The following DENND5B variants were observed in gnomAD, a reference collection of about 807,000 sequenced individuals.
DENND5B encodes the protein DENN domain containing 5B.
DENND5B carries 34 observed loss-of-function variants against 140.6 expected under a neutral mutation model. The observed-to-expected ratio is 0.24, with a 90% CI of 0.18 to 0.32. DENND5B has a LOEUF of 0.32. Ranked by LOEUF, DENND5B falls within the 10% of genes least tolerant of loss-of-function variation. The pLI is 1.00. For synonymous variants in DENND5B, 551 were observed against 562.1 expected (o/e 0.98, Z 0.28); for missense variants, 1,142 against 1,560.2 (o/e 0.73, Z 4.52).
At chr12:31,585,494 C>G (rs1950366336) in intron 1 of DENND5B, among the ~76,000 whole-genome samples, 1 of 152,172 alleles carries the variant, frequency 6.6e-6, no homozygotes, top group African/African-American at 2.4e-5. Context: ...AAGGGCAATC[C>G]TGAAATGCTT....
At chr12:31,411,864 T>G (rs1942478872) in intron 13 of DENND5B, among the ~76,000 whole-genome samples, 1 of 152,232 alleles carries the variant, frequency 6.6e-6, no homozygotes, top group South Asian at 2.1e-4. Context: ...TTTGAGGTCT[T>G]TGTTGAATTC....
At chr12:31,513,691 T>C (rs1368500701) in intron 1 of DENND5B, among the ~76,000 whole-genome samples, 1 of 152,142 alleles carries the variant, frequency 6.6e-6, no homozygotes, top group Non-Finnish European at 1.5e-5. Flanking sequence ...AGCACTTCCT[T>C]AATTGCCAGC....
intron 7 of DENND5B, among the ~76,000 whole-genome samples, chr12:31,441,545 G>C (rs1944031101): frequency 2.0e-5 from 3 of 150,676 alleles, no homozygotes; most frequent in Non-Finnish European, 4.4e-5. Context: ...TAATAGTGGT[G>C]ATCATAGGTC....
In DENND5B at chr12:31,479,741, TA is replaced by T; in HGVS notation, c.751del (p.Tyr251MetfsTer30). The T allele has an allele frequency of 6.2e-7, 1 of 1,602,798 alleles. No individual in the cohort carries two copies. Among genetic ancestry groups the T allele is most frequent in the African/African-American group, 1.3e-5 (1 of 74,890 alleles). ...AGGCCTCTGGCAGATGACAGGTTCATAAACACCATAAAATTTCAGTGACCTC... is the reference window on the plus strand; with the variant it reads ...AGGCCTCTGGCAGATGACAGGTTCATAACACCATAAAATTTCAGTGACCTC... ...PGRSLKFYGV[Y>X]EPVICQRPGP... On this transcript the variant is annotated frameshift_variant, in exon 3 of 21. Coordinates refer to ENST00000389082, the MANE Select transcript of DENND5B (RefSeq NM_144973.4). LOFTEE classifies it high-confidence loss of function.
intron 1 of DENND5B, among the ~76,000 whole-genome samples, chr12:31,526,864 T>G (rs928645051): frequency 2.6e-5 from 4 of 152,216 alleles, no homozygotes; most frequent in African/African-American, 4.8e-5. Context: ...TCCAAAGTTA[T>G]TTCAAAATAC....
At chr12:31,533,763 T>C (rs1948382310) in intron 1 of DENND5B, among the ~76,000 whole-genome samples, 1 of 152,186 alleles carries the variant, frequency 6.6e-6, no homozygotes, top group Non-Finnish European at 1.5e-5. Flanking sequence ...GGGAGGACTA[T>C]CCACAGAATT....
intron 1 of DENND5B, among the ~76,000 whole-genome samples, chr12:31,566,616 T>A (rs960179931): frequency 3.9e-5 from 6 of 151,986 alleles, no homozygotes; most frequent in African/African-American, 7.2e-5. Flanking sequence ...AATAATTTTT[T>A]AAAAATTTTT....
chr12:31,409,092 G>A (rs571717075), intron 14 of DENND5B, among the ~76,000 whole-genome samples, 171 bp downstream of exon 14: 1 of 152,320 alleles, frequency 6.6e-6, no homozygotes, highest in South Asian at 2.1e-4. Context: ...ACAGCCAAGG[G>A]TTTCCTGTAG....
Position 31,590,954 on chromosome 12 carries a change from T to A in DENND5B, c.-122A>T, listed in dbSNP as rs1274427062. 54 of 1,053,896 alleles carry A rather than the reference T, an allele frequency of 5.1e-5. No homozygotes were observed. Among genetic ancestry groups the A allele is most frequent in the Non-Finnish European group, 6.3e-5 (54 of 863,468 alleles). The allele number at this position is 1,053,896 out of a possible 1,614,324, so 65.3% of individuals were successfully genotyped here. A position where few individuals can be genotyped will look rare whatever the true frequency, so the allele number is the denominator to read the frequency against. On this transcript the variant is annotated 5_prime_UTR_variant, in exon 1 of 21. It removes an upstream start codon present in the reference 5' UTR. Transcript: ENST00000389082. ...CCCTAGGGCGACACTGGCGCGCCCATGGCCGCGCAGCCGCCTCTCGCCGCC... is the reference window on the plus strand; with the variant it reads ...CCCTAGGGCGACACTGGCGCGCCCAAGGCCGCGCAGCCGCCTCTCGCCGCC...
chr12:31,499,531 C>G, intron 1 of DENND5B: 1 of 1,231,776 alleles, frequency 8.1e-7, no homozygotes, highest in African/African-American at 1.5e-5. Flanking sequence ...AATAAAGAAA[C>G]ATTTATAATG....
At chr12:31,450,849 G>C (rs578025058) in intron 5 of DENND5B, among the ~76,000 whole-genome samples, 1 of 151,910 alleles carries the variant, frequency 6.6e-6, no homozygotes, top group Non-Finnish European at 1.5e-5. Context: ...ACTGTACCCT[G>C]GTGACCTAAA....
At chr12:31,391,817 C>T (rs575441738) in intron 19 of DENND5B, among the ~76,000 whole-genome samples, 3 of 152,080 alleles carry the variant, frequency 2.0e-5, no homozygotes, top group South Asian at 4.2e-4. Flanking sequence ...TGTGCTACCA[C>T]ACCCAGCTAA....
At chr12:31,456,726 T>C (rs1019327324) in intron 4 of DENND5B, among the ~76,000 whole-genome samples, 2 of 152,172 alleles carry the variant, frequency 1.3e-5, no homozygotes, top group African/African-American at 4.8e-5. Flanking sequence ...TAGTAAGTGA[T>C]CTCACTTCTC....
intron 1 of DENND5B, among the ~76,000 whole-genome samples, chr12:31,498,674 T>A (rs1399682792): frequency 6.6e-6 from 1 of 152,034 alleles, no homozygotes; most frequent in Non-Finnish European, 1.5e-5. Flanking sequence ...GATATCACTG[T>A]TAAGAATTCA....
intron 1 of DENND5B, among the ~76,000 whole-genome samples, chr12:31,508,046 T>A (rs958109917): frequency 6.6e-6 from 1 of 152,180 alleles, no homozygotes. Context: ...TCCCCATTAC[T>A]AAAGAACATA....
chr12:31,388,226 CTTT>C (rs35891849), intron 20 of DENND5B, among the ~76,000 whole-genome samples: 2,181 of 91,450 alleles, frequency 0.024, 33 homozygotes, highest in South Asian at 0.065. Context: ...TAGGGACTTG[CTTT>C]TTTTTTTTTT....
chr12:31,430,991 GTGA>G (rs1213030138), intron 8 of DENND5B, among the ~76,000 whole-genome samples: 1 of 152,160 alleles, frequency 6.6e-6, no homozygotes. Flanking sequence ...AAATAAACAA[GTGA>G]TGATAAAAAT....
At chr12:31,537,544 G>C (rs975327683) in intron 1 of DENND5B, among the ~76,000 whole-genome samples, 22 of 151,986 alleles carry the variant, frequency 1.4e-4, no homozygotes, top group African/African-American at 4.1e-4. Context: ...GGAAGACAGG[G>C]AGGAAGGATG....
At position 31,482,162 on chromosome 12, in the gene DENND5B, T is replaced by C. The variant is rs1946095017; in HGVS notation, c.238-1907A>G. 2.0e-5 allele frequency among the ~76,000 whole-genome samples: 3 copies of C among 152,320 alleles called. No individual in the cohort carries two copies. The South Asian group carries it at 6.2e-4, about 32-fold the overall frequency. On this transcript the variant is annotated intron_variant, in intron 2 of 20. Coordinates refer to ENST00000389082, the MANE Select transcript of DENND5B (RefSeq NM_144973.4). The stretch of plus-strand genomic sequence containing the variant: ...GTCCTTTCCTTTACCCTAAAAACTA[T>C]TGGCTTTGAAGCTCATGTCATGATT...
Sources: gnomAD v4.1 joint callset for allele counts (sites outside exome capture counted in the v4.1 genomes callset) on GRCh38, gnomAD v4.1.1 for gene constraint, MANE v1.5 for transcripts, NCBI Gene and HGNC (gene_info 2026-07-23, HGNC 2026-07-21) for gene names.